Variants in MAF observed in about 807,000 individuals in gnomAD.
MAF encodes the protein MAF bZIP transcription factor, also known as transcription factor Maf.
MAF carries 10 observed loss-of-function variants against 22.0 expected under a neutral mutation model. The observed-to-expected ratio is 0.45, with a 90% confidence interval of 0.28 to 0.77. MAF has a LOEUF of 0.77. Among genes scored for constraint, MAF ranks in the 30% least tolerant of loss-of-function variants. The pLI, the probability that MAF is intolerant of heterozygous loss-of-function variation, is 0.12. For synonymous variants in MAF, 337 were observed against 255.8 expected (o/e 1.32, Z -3.03); for missense variants, 544 against 548.4 (o/e 0.99, Z 0.08).
At chr16:79,552,666 C>G in the MAF span, among the ~76,000 whole-genome samples, 1 of 152,202 alleles carries the variant, frequency 6.6e-6, no homozygotes, top group African/African-American at 2.4e-5. Context: ...AGGATCTTGG[C>G]TCTCATGATT....
chr16:79,570,855 T>A, the MAF span, among the ~76,000 whole-genome samples: 3 of 152,148 alleles, frequency 2.0e-5, no homozygotes, highest in Non-Finnish European at 4.4e-5. Context: ...TCTGTGCGAG[T>A]TTCTGTGCTA....
chr16:79,444,801 C>T, the MAF span, among the ~76,000 whole-genome samples: 2 of 152,142 alleles, frequency 1.3e-5, no homozygotes, highest in African/African-American at 4.8e-5. Flanking sequence ...CTTATCATAG[C>T]AACTAGTTTC....
chr16:79,211,005 T>C, the MAF span, among the ~76,000 whole-genome samples: 1 of 149,942 alleles, frequency 6.7e-6, no homozygotes, highest in African/African-American at 2.5e-5. Flanking sequence ...GTGTTATGTG[T>C]TTGTGCTAAG....
At chr16:79,491,945 ACTT>A in the MAF span, among the ~76,000 whole-genome samples, 1 of 152,086 alleles carries the variant, frequency 6.6e-6, no homozygotes, top group African/African-American at 2.4e-5. Flanking sequence ...CTCCTCTCCC[ACTT>A]CTTTTCTACG....
the MAF span, among the ~76,000 whole-genome samples, chr16:79,491,412 A>C: frequency 6.6e-6 from 1 of 152,004 alleles, no homozygotes; most frequent in Non-Finnish European, 1.5e-5. Flanking sequence ...TGCATTCTTC[A>C]TGCAGGTTCT....
chr16:79,563,721 A>C, the MAF span, among the ~76,000 whole-genome samples: 1 of 151,588 alleles, frequency 6.6e-6, no homozygotes, highest in Non-Finnish European at 1.5e-5. Context: ...TAGATGTCTT[A>C]ATAATTAGCT....
the MAF span, among the ~76,000 whole-genome samples, chr16:79,268,322 C>G: frequency 3.9e-5 from 6 of 152,172 alleles, no homozygotes; most frequent in Non-Finnish European, 8.8e-5. Context: ...TAGGAAACCT[C>G]TGTTCATATC....
At chr16:79,441,607 T>A in the MAF span, among the ~76,000 whole-genome samples, 18 of 152,340 alleles carry the variant, frequency 1.2e-4, no homozygotes, top group South Asian at 3.7e-3. Context: ...CTTCAATCAT[T>A]TAAAGATGTA....
the MAF span, among the ~76,000 whole-genome samples, chr16:79,369,896 A>G: frequency 2.0e-5 from 3 of 152,184 alleles, no homozygotes; most frequent in Non-Finnish European, 4.4e-5. Flanking sequence ...CTGAAATTAA[A>G]CCAAACACCA....
chr16:79,392,437 G>A, the MAF span, among the ~76,000 whole-genome samples: 6 of 150,058 alleles, frequency 4.0e-5, no homozygotes, highest in Non-Finnish European at 7.4e-5. Context: ...AGAAAGGGAA[G>A]AGAGAGGAGG....
the MAF span, among the ~76,000 whole-genome samples, chr16:79,517,309 C>G: frequency 1.3e-5 from 2 of 152,178 alleles, no homozygotes; most frequent in Non-Finnish European, 2.9e-5. Flanking sequence ...TGGAGACAAA[C>G]GATTGCCTAA....
the MAF span, among the ~76,000 whole-genome samples, chr16:79,513,525 A>G: frequency 1.3e-5 from 2 of 152,312 alleles, no homozygotes; most frequent in East Asian, 3.9e-4. Context: ...AGGCAAATAC[A>G]TGGGAGGGAA....
At chr16:79,475,849 C>T in the MAF span, among the ~76,000 whole-genome samples, 4 of 152,106 alleles carry the variant, frequency 2.6e-5, no homozygotes, top group Non-Finnish European at 5.9e-5. Context: ...AATCCTAAGA[C>T]GACCCCTGTG....
downstream of MAF, among the ~76,000 whole-genome samples, chr16:79,589,700 C>T (rs1235047503): frequency 1.3e-5 from 2 of 152,170 alleles, no homozygotes; most frequent in African/African-American, 4.8e-5. Context: ...GAGCGGCGCA[C>T]CGGGGAGTTT....
chr16:79,398,113 G>A, the MAF span, among the ~76,000 whole-genome samples: 643 of 152,114 alleles, frequency 4.2e-3, 4 homozygotes, highest in African/African-American at 0.014. Context: ...TTCAGTTCCC[G>A]GAGGCCACCT....
At chr16:79,562,005 T>C in the MAF span, among the ~76,000 whole-genome samples, 7 of 152,306 alleles carry the variant, frequency 4.6e-5, 1 homozygote, top group East Asian at 1.9e-4. Flanking sequence ...CAATCACTTA[T>C]GTTTGCAAGC....
At chr16:79,509,932 C>T in the MAF span, among the ~76,000 whole-genome samples, 1 of 152,172 alleles carries the variant, frequency 6.6e-6, no homozygotes. Flanking sequence ...CAGAAAACCC[C>T]AGGGAAGGGA....
chr16:79,530,011 C>G, the MAF span, among the ~76,000 whole-genome samples: 1 of 151,864 alleles, frequency 6.6e-6, no homozygotes, highest in Non-Finnish European at 1.5e-5. Flanking sequence ...GAGGATGATG[C>G]AAGGTTTGTT....
chr16:79,266,412 T>C, the MAF span, among the ~76,000 whole-genome samples: 3 of 152,162 alleles, frequency 2.0e-5, no homozygotes, highest in Non-Finnish European at 4.4e-5. Flanking sequence ...TTCTGAGGAC[T>C]CCCAGAGCAA....
Sources: gnomAD v4.1 joint callset for allele counts (sites outside exome capture counted in the v4.1 genomes callset) on GRCh38, gnomAD v4.1.1 for gene constraint, MANE v1.5 for transcripts, NCBI Gene and HGNC (gene_info 2026-07-23, HGNC 2026-07-21) for gene names.